SESN2: variants seen among roughly 807,000 people sequenced by gnomAD.
The protein encoded by SESN2 is sestrin-2.
SESN2 carries 42 observed loss-of-function variants against 56.0 expected under a neutral mutation model. The observed-to-expected ratio is 0.75, with a 90% CI of 0.59 to 0.97. The LOEUF (loss-of-function observed/expected upper bound fraction) is 0.97. Among genes scored for constraint, SESN2 ranks in the 50% least tolerant of loss-of-function variants. The probability of loss-of-function intolerance (pLI) is 0.00; values close to 1 mark genes in which losing one functional copy is unlikely to be tolerated. For synonymous variants in SESN2, 264 were observed against 267.1 expected, an observed-to-expected ratio of 0.99 and a Z score of 0.11; for missense variants, 507 against 649.4, an observed-to-expected ratio of 0.78 and a Z score of 2.38.
chr1:28,275,101 T>G, intron 8 of SESN2, 86 bp downstream of exon 8: 1 of 1,030,668 alleles, frequency 9.7e-7, no homozygotes, highest in Non-Finnish European at 1.4e-6. Flanking sequence ...TCTTTTTGTT[T>G]TTTTCTTTTC....
intron 1 of SESN2, among the ~76,000 whole-genome samples, chr1:28,268,436 TGGG>T (rs746355192): frequency 1.3e-5 from 2 of 151,736 alleles, no homozygotes; most frequent in Non-Finnish European, 2.9e-5. Context: ...GAGGCTGAGG[TGGG>T]CGGATCACCT....
In SESN2 at chr1:28,273,843, G is replaced by A. The variant is rs184401012; in HGVS notation, c.902-197G>A. On this transcript the variant is annotated intron_variant, in intron 6 of 9. Transcript: ENST00000253063. ...CACTATTGTTGTTACCAGGGGCCTC[G>A]CTTCATGGGTCCATGGGCCTGATCC... Among the ~76,000 whole-genome samples, 67 of 152,264 alleles carry A rather than the reference G, an allele frequency of 4.4e-4. No individual in the cohort carries two copies. The East Asian group carries it at 9.9e-3, about 22-fold the overall frequency.
intron 3 of SESN2, 143 bp downstream of exon 3, chr1:28,272,014 T>C (rs1225472680): frequency 1.1e-6 from 1 of 913,646 alleles, no homozygotes; most frequent in Admixed American, 2.9e-5. Flanking sequence ...AGTTTTGGGT[T>C]TTTTGTTTTT....
In SESN2 at chr1:28,273,343, G is replaced by A. The variant is rs1176891911; in HGVS notation, c.751-15G>A. The stretch of plus-strand genomic sequence containing the variant: ...GGAGGAGGAGTAGCTGGTCACCACG[G>A]GGCCTCTCCTGCAGGGCTTTGAGTC... On this transcript the variant is annotated splice_polypyrimidine_tract_variant and intron_variant, in intron 5 of 9. Coordinates refer to ENST00000253063, the MANE Select transcript of SESN2 (RefSeq NM_031459.5). The A allele has an allele frequency of 1.3e-6, 2 of 1,564,610 alleles. No individual in the cohort carries two copies. Among genetic ancestry groups the A allele is most frequent in the Non-Finnish European group, 1.7e-6 (2 of 1,153,302 alleles).
intron 8 of SESN2, among the ~76,000 whole-genome samples, chr1:28,278,410 T>C (rs1453315634): frequency 3.3e-5 from 5 of 152,090 alleles, no homozygotes; most frequent in Middle Eastern, 6.8e-3. Context: ...CTACTAAAAA[T>C]ACAAAAATTA....
At position 28,281,678 on chromosome 1, in the gene SESN2, G is replaced by A. The variant is rs1648247532; in HGVS notation, c.*876G>A. The A allele has an allele frequency of 6.6e-6, 1 of 152,294 alleles. No individual in the cohort carries two copies. Among genetic ancestry groups the A allele is most frequent in the Non-Finnish European group, 1.5e-5 (1 of 68,132 alleles). The allele number at this position is 152,294 out of a possible 1,614,324, so 9.4% of individuals were successfully genotyped here. A position where few individuals can be genotyped will look rare whatever the true frequency, so the allele number is the denominator to read the frequency against. ...CCAGCACCCCACTCTCCTGCCTCCA[G>A]TGGCCCTGCCGCAGATGTCTCCCAA... On this transcript the variant is annotated 3_prime_UTR_variant, in exon 10 of 10. Coordinates refer to ENST00000253063, the MANE Select transcript of SESN2 (RefSeq NM_031459.5).
At chr1:28,276,501 A>C (rs182255840) in intron 8 of SESN2, among the ~76,000 whole-genome samples, 1 of 151,832 alleles carries the variant, frequency 6.6e-6, no homozygotes, top group Non-Finnish European at 1.5e-5. Context: ...AATAAAATTT[A>C]AAAAAAATTA....
intron 6 of SESN2, 67 bp from the exon 7 acceptor site, chr1:28,273,973 T>A: frequency 9.6e-7 from 1 of 1,047,008 alleles, no homozygotes; most frequent in Non-Finnish European, 1.5e-6. Flanking sequence ...CTTTTGGTGA[T>A]TAATCAGGAA....
At chr1:28,260,885 C>T (rs1297764742) in intron 1 of SESN2, among the ~76,000 whole-genome samples, 2 of 151,912 alleles carry the variant, frequency 1.3e-5, no homozygotes, top group Non-Finnish European at 2.9e-5. Flanking sequence ...GTTTTTTTCG[C>T]CTTTAACCTA....
In SESN2 at chr1:28,271,766, G is replaced by A; in HGVS notation, c.249G>A (p.Met83Ile). ...SGRVDNLAVV[M>I]GLHPDYFTSF... ...GAGTAGACAACCTGGCAGTGGTGATGGGCCTGCACCCTGACTACTTTACCA... is the reference window on the plus strand; with the variant it reads ...GAGTAGACAACCTGGCAGTGGTGATAGGCCTGCACCCTGACTACTTTACCA... The change falls in exon 3 of 10, where the codon ATG becomes ATA. Residue 83 changes from methionine (M) to isoleucine (I), a missense_variant. Coordinates refer to ENST00000253063, the MANE Select transcript of SESN2 (RefSeq NM_031459.5). 1.9e-6 allele frequency: 3 copies of A among 1,614,182 alleles called. No individual in the cohort carries two copies. The highest frequency in any genetic ancestry group is 2.5e-6 in the Non-Finnish European group (3 of 1,180,004).
Position 28,272,471 on chromosome 1 carries a change from A to AG in SESN2, c.537+10dup. 1.2e-6 allele frequency: 2 copies of AG among 1,612,586 alleles called. No homozygotes were observed. The highest frequency in any genetic ancestry group is 1.7e-6 in the Non-Finnish European group (2 of 1,179,454). ...ATCACCAAGGAACACATCCAGGTGC[A>AG]GGGGGCAGAGAGGCGGGTGTCTGAG... is the stretch of plus-strand genomic sequence containing the variant. On this transcript the variant is annotated splice_donor_region_variant and intron_variant, in intron 4 of 9. Transcript: ENST00000253063.
intron 1 of SESN2, 80 bp downstream of exon 1, chr1:28,260,017 G>GGT (rs976892931): frequency 9.0e-6 from 10 of 1,107,168 alleles, no homozygotes; most frequent in Admixed American, 2.9e-5. Context: ...GAGCTGAGTC[G>GGT]GTGTGTCCTG....
At chr1:28,272,237 G>A (rs1280522881) in intron 3 of SESN2, 47 bp from the exon 4 acceptor site, 2 of 1,595,796 alleles carry the variant, frequency 1.3e-6, no homozygotes, top group Non-Finnish European at 1.7e-6. Flanking sequence ...CCTGAGCCAG[G>A]CACAAAAGGA....
chr1:28,267,190 G>A (rs914701592), intron 1 of SESN2, among the ~76,000 whole-genome samples: 2 of 152,168 alleles, frequency 1.3e-5, no homozygotes, highest in African/African-American at 4.8e-5. Flanking sequence ...AAGCTCCAAA[G>A]GGGAGTGCTC....
chr1:28,273,319 G>A, intron 5 of SESN2, 39 bp from the exon 6 acceptor site: 1 of 1,517,992 alleles, frequency 6.6e-7, no homozygotes, highest in South Asian at 1.3e-5. Context: ...GAGGCTGAAG[G>A]AGGAGGAGTA....
At chr1:28,272,553 C>T in intron 4 of SESN2, 28 bp from the exon 5 acceptor site, 1 of 1,612,390 alleles carries the variant, frequency 6.2e-7, no homozygotes, top group Admixed American at 1.7e-5. Context: ...CACTGAGCAG[C>T]TCTGACCTCC....
rs763448717 is a variant in SESN2 at position 28,280,745 on chromosome 1, G to A, written c.1386G>A (p.Ala462=). Residue 462 remains alanine (A), a synonymous_variant, in exon 10 of 10, where the codon GCG becomes GCA. Transcript: ENST00000253063. ...KVHVNLLLLE[A]RMQAALLYAL... is the part of the protein sequence containing the mutation. ...ACGTGAACTTGCTGCTCCTGGAGGC[G>A]CGCATGCAAGCCGCTCTGCTGTACG... 17 of 1,613,238 alleles carry A rather than the reference G, an allele frequency of 1.1e-5. No individual in the cohort carries two copies. The South Asian group carries it at 1.1e-4, about 10-fold the overall frequency.
intron 8 of SESN2, among the ~76,000 whole-genome samples, chr1:28,276,489 A>G (rs902540554): frequency 1.1e-4 from 17 of 152,148 alleles, no homozygotes; most frequent in Middle Eastern, 3.4e-3. Flanking sequence ...AAAAAAATAC[A>G]AAATAAAATT....
At chr1:28,260,075 T>C (rs1647315246) in intron 1 of SESN2, 138 bp downstream of exon 1, 1 of 578,592 alleles carries the variant, frequency 1.7e-6, no homozygotes, top group Admixed American at 4.2e-5. Flanking sequence ...CCGGGTTGCA[T>C]CAACTGGCAG....
Sources: gnomAD v4.1 joint callset for allele counts (sites outside exome capture counted in the v4.1 genomes callset) on GRCh38, gnomAD v4.1.1 for gene constraint, MANE v1.5 for transcripts, NCBI Gene and HGNC (gene_info 2026-07-23, HGNC 2026-07-21) for gene names.